The following FUT9 variants were observed in gnomAD, a reference collection of about 807,000 sequenced individuals.
FUT9 encodes fucosyltransferase 9.
Under a neutral mutation model 29.7 loss-of-function variants are expected in FUT9, and 15 were observed. That is an observed-to-expected ratio of 0.51 (90% CI 0.34 to 0.78). FUT9 has a LOEUF of 0.78. Among genes scored for constraint, FUT9 ranks in the 30% least tolerant of loss-of-function variants. The pLI is 0.01. For synonymous variants in FUT9, 169 were observed against 153.7 expected (o/e 1.10, Z -0.74); for missense variants, 319 against 425.4 (o/e 0.75, Z 2.20).
At chr6:96,027,816 T>C (rs1271779553) in intron 1 of FUT9, among the ~76,000 whole-genome samples, 1 of 151,660 alleles carries the variant, frequency 6.6e-6, no homozygotes, top group Admixed American at 6.6e-5. Context: ...TTCTGCTTTT[T>C]TTCCAGAGCC....
intron 2 of FUT9, among the ~76,000 whole-genome samples, chr6:96,194,376 G>A (rs1053874522): frequency 1.3e-5 from 2 of 151,994 alleles, no homozygotes; most frequent in Non-Finnish European, 1.5e-5. Flanking sequence ...GCCATCCTTT[G>A]AGGACTACTG....
chr6:96,144,864 C>G (rs879610440), intron 2 of FUT9, among the ~76,000 whole-genome samples: 2 of 151,990 alleles, frequency 1.3e-5, no homozygotes, highest in Non-Finnish European at 2.9e-5. Flanking sequence ...ACCACATAAG[C>G]CCATTTTACT....
intron 2 of FUT9, among the ~76,000 whole-genome samples, chr6:96,127,562 G>A (rs542054961): frequency 6.6e-6 from 1 of 152,210 alleles, no homozygotes; most frequent in African/African-American, 2.4e-5. Context: ...ATCCAGTAAT[G>A]GGATTGCTGG....
rs530460183 is a variant in FUT9, at chr6:96,089,776, C to T, written c.-97-24263C>T. On this transcript the variant is annotated intron_variant, in intron 1 of 2. Transcript: ENST00000302103. ...TGAGTGGAGAAAAAAGGAATCATAA[C>T]AGCGCTTTTAAGCTATAAAAGTGTG... is the stretch of plus-strand genomic sequence containing the variant. Among the ~76,000 whole-genome samples the T allele has an allele frequency of 4.6e-5, 7 of 152,254 alleles. No homozygotes were observed. The East Asian group carries it at 1.3e-3, about 29-fold the overall frequency.
chr6:96,115,991 T>C (rs974010581), intron 2 of FUT9, among the ~76,000 whole-genome samples: 1 of 152,128 alleles, frequency 6.6e-6, no homozygotes, highest in Non-Finnish European at 1.5e-5. Flanking sequence ...AAAAAATTGT[T>C]CCATCAAACA....
chr6:96,090,363 G>GA lies in FUT9; in HGVS notation c.-97-23669dup, dbSNP rs1203055846. ...TATTTTTTGTGAGATATTAATTTTT[G>GA]AAAAAAATTCTTGATGTAGTTAAAA... On this transcript the variant is annotated intron_variant, in intron 1 of 2. Coordinates refer to ENST00000302103, the MANE Select transcript of FUT9 (RefSeq NM_006581.4). Among the ~76,000 whole-genome samples the GA allele has an allele frequency of 2.6e-5, 4 of 151,634 alleles. No individual in the cohort carries two copies. In the East Asian group the frequency reaches 7.8e-4, roughly 29 times the overall value.
chr6:96,177,585 C>T (rs527609989), intron 2 of FUT9, among the ~76,000 whole-genome samples: 9 of 152,222 alleles, frequency 5.9e-5, no homozygotes, highest in African/African-American at 1.7e-4. Flanking sequence ...AAGTTAACTC[C>T]TGGTAAAGAG....
At chr6:96,089,525 C>G (rs2127953354) in intron 1 of FUT9, among the ~76,000 whole-genome samples, 1 of 152,300 alleles carries the variant, frequency 6.6e-6, no homozygotes, top group Non-Finnish European at 1.5e-5. Context: ...CCTACTTCTT[C>G]TTGTTATTGT....
intron 1 of FUT9, among the ~76,000 whole-genome samples, chr6:96,032,474 A>G (rs1319073479): frequency 6.6e-6 from 1 of 151,682 alleles, no homozygotes; most frequent in African/African-American, 2.4e-5. Context: ...AAGGAAAGAA[A>G]AGAAAGGAAG....
At chr6:96,161,624 T>A (rs1244516322) in intron 2 of FUT9, among the ~76,000 whole-genome samples, 1 of 152,198 alleles carries the variant, frequency 6.6e-6, no homozygotes, top group African/African-American at 2.4e-5. Context: ...GATGTGAATA[T>A]CTACAGACCA....
At chr6:96,122,774 C>G (rs928625748) in intron 2 of FUT9, among the ~76,000 whole-genome samples, 5 of 151,980 alleles carry the variant, frequency 3.3e-5, no homozygotes, top group Non-Finnish European at 5.9e-5. Context: ...TGGCCGGGTA[C>G]GGTGGCTCAC....
intron 1 of FUT9, among the ~76,000 whole-genome samples, chr6:96,016,685 T>C (rs1185765486): frequency 6.6e-6 from 1 of 152,164 alleles, no homozygotes; most frequent in Non-Finnish European, 1.5e-5. Context: ...AGCCCGACTG[T>C]CCCGTCCTAT....
At chr6:96,120,273 T>C (rs1258040685) in intron 2 of FUT9, among the ~76,000 whole-genome samples, 13 of 138,494 alleles carry the variant, frequency 9.4e-5, no homozygotes, top group South Asian at 5.0e-4. Context: ...TTCTTTCTTT[T>C]TTTTTTTTTT....
In FUT9 at chr6:96,212,272, T is replaced by C. The variant is rs890579549; in HGVS notation, c.*8037T>C. On this transcript the variant is annotated 3_prime_UTR_variant, in exon 3 of 3. Transcript: ENST00000302103. ...CTGAAGATGCCATCCTTGTCCAAGG[T>C]GAGATTGCCAGAGGATATGAGCTCA... 24 of 412,668 alleles carry C rather than the reference T, an allele frequency of 5.8e-5. No homozygotes were observed. The highest frequency in any genetic ancestry group is 4.1e-4 in the African/African-American group (20 of 48,676). The allele number at this position is 412,668 out of a possible 1,614,324, so 25.6% of individuals were successfully genotyped here.
chr6:96,176,566 G>A (rs577891851), intron 2 of FUT9, among the ~76,000 whole-genome samples: 2 of 152,094 alleles, frequency 1.3e-5, no homozygotes, highest in Non-Finnish European at 2.9e-5. Flanking sequence ...CTTATAGTTT[G>A]CTGACTGTGG....
intron 2 of FUT9, among the ~76,000 whole-genome samples, chr6:96,159,841 A>G (rs1330154940): frequency 6.6e-6 from 1 of 152,224 alleles, no homozygotes; most frequent in Non-Finnish European, 1.5e-5. Context: ...AACTGTCTTG[A>G]TAAACTGCAT....
chr6:96,045,383 A>G (rs546490548), intron 1 of FUT9, among the ~76,000 whole-genome samples: 67 of 152,358 alleles, frequency 4.4e-4, no homozygotes, highest in African/African-American at 1.6e-3. Context: ...CCAGACTGTC[A>G]TATGCTATCC....
At chr6:96,068,295 C>G (rs996361897) in intron 1 of FUT9, among the ~76,000 whole-genome samples, 1 of 152,030 alleles carries the variant, frequency 6.6e-6, no homozygotes, top group Non-Finnish European at 1.5e-5. Flanking sequence ...AGAAACAAAA[C>G]AATCCTCCTA....
intron 2 of FUT9, among the ~76,000 whole-genome samples, chr6:96,173,539 T>C (rs1438712699): frequency 6.6e-6 from 1 of 152,128 alleles, no homozygotes; most frequent in African/African-American, 2.4e-5. Flanking sequence ...GTATGTTCTT[T>C]TCTCACTCTC....
Sources: gnomAD v4.1 joint callset for allele counts (sites outside exome capture counted in the v4.1 genomes callset) on GRCh38, gnomAD v4.1.1 for gene constraint, MANE v1.5 for transcripts, NCBI Gene and HGNC (gene_info 2026-07-23, HGNC 2026-07-21) for gene names.